The following MACROD2 variants were observed in gnomAD, a reference collection of about 807,000 sequenced individuals.
The protein encoded by MACROD2 is ADP-ribose glycohydrolase MACROD2.
MACROD2 carries 36 observed loss-of-function variants against 70.4 expected under a neutral mutation model. The observed-to-expected ratio is 0.51, with a 90% CI of 0.39 to 0.68. MACROD2 has a LOEUF of 0.68. Among genes scored for constraint, MACROD2 ranks in the 30% least tolerant of loss-of-function variants. MACROD2 has a pLI of 0.00. For synonymous variants in MACROD2, 172 were observed against 178.8 expected, an observed-to-expected ratio of 0.96 and a Z score of 0.30; for missense variants, 496 against 538.4, an observed-to-expected ratio of 0.92 and a Z score of 0.78.
chr20:15,480,295 G>A (rs1436850311), intron 7 of MACROD2, among the ~76,000 whole-genome samples: 5 of 152,092 alleles, frequency 3.3e-5, no homozygotes, highest in Non-Finnish European at 7.4e-5. Context: ...GCTGGTGCCC[G>A]CCGCTTCTTA....
At chr20:15,411,850 T>A (rs1473899849) in intron 6 of MACROD2, among the ~76,000 whole-genome samples, 1 of 152,162 alleles carries the variant, frequency 6.6e-6, no homozygotes, top group Non-Finnish European at 1.5e-5. Context: ...TCCATCGGTG[T>A]CCAAAGGCCT....
chr20:14,614,386 A>C (rs554961891), intron 4 of MACROD2, among the ~76,000 whole-genome samples: 17 of 152,168 alleles, frequency 1.1e-4, no homozygotes, highest in Non-Finnish European at 2.2e-4. Flanking sequence ...GTTGGTGCTC[A>C]CCTCACCCAT....
chr20:14,831,780 C>CAAAA lies in MACROD2; in HGVS notation c.418+146845_418+146848dup, dbSNP rs71190151. On this transcript the variant is annotated intron_variant, in intron 5 of 17. Coordinates refer to ENST00000684519, the MANE Select transcript of MACROD2 (RefSeq NM_001351661.2). ...GGGTGACAAGAGTGAAACTCCGTCT[C>CAAAA]AAAAAAAAAAAAAAAAAAAAAAAAA... is the stretch of plus-strand genomic sequence containing the variant. Among the ~76,000 whole-genome samples the CAAAA allele has an allele frequency of 1.5e-3, 55 of 37,176 alleles. 7 individuals carry two copies. The highest frequency in any genetic ancestry group is 4.6e-3 in the African/African-American group (47 of 10,124). The allele number at this position is 37,176 out of a possible 152,430, so 24.4% of individuals were successfully genotyped here. A position where few individuals can be genotyped will look rare whatever the true frequency, so the allele number is the denominator to read the frequency against.
intron 3 of MACROD2, among the ~76,000 whole-genome samples, chr20:14,379,927 A>G (rs541251090): frequency 2.0e-5 from 3 of 152,268 alleles, no homozygotes; most frequent in African/African-American, 7.2e-5. Flanking sequence ...ACATTATTGT[A>G]CAAGTATCTA....
Position 14,862,616 on chromosome 20 carries a change from A to T in MACROD2, c.418+177657A>T, listed in dbSNP as rs1474576822. On this transcript the variant is annotated intron_variant, in intron 5 of 17. Coordinates refer to ENST00000684519, the MANE Select transcript of MACROD2 (RefSeq NM_001351661.2). ...ATATATATAAATATAAATATATATA[A>T]ATATATATATATAAATATATATATA... is the stretch of plus-strand genomic sequence containing the variant. Among the ~76,000 whole-genome samples, 2 of 19,320 alleles carry T rather than the reference A, an allele frequency of 1.0e-4. 1 individual carries two copies. The highest frequency in any genetic ancestry group is 3.5e-4 in the African/African-American group (2 of 5,708). The allele number at this position is 19,320 out of a possible 152,430, so 12.7% of individuals were successfully genotyped here. A position where few individuals can be genotyped will look rare whatever the true frequency, so the allele number is the denominator to read the frequency against.
chr20:15,239,047 G>A (rs559065474), intron 6 of MACROD2, among the ~76,000 whole-genome samples: 21 of 152,244 alleles, frequency 1.4e-4, no homozygotes, highest in Admixed American at 1.1e-3. Flanking sequence ...ATAGTCAATT[G>A]AAGACACGGA....
At chr20:14,053,745 C>T (rs1293499985) in intron 2 of MACROD2, 1 of 152,018 alleles carries the variant, frequency 6.6e-6, no homozygotes, top group African/African-American at 2.4e-5. Flanking sequence ...CCATAGATAG[C>T]GTGATGGAAC....
intron 5 of MACROD2, among the ~76,000 whole-genome samples, chr20:14,788,313 G>A (rs532799248): frequency 1.4e-4 from 22 of 152,050 alleles, no homozygotes; most frequent in South Asian, 1.2e-3. Flanking sequence ...GGCCCGGTGC[G>A]GTGGCTCACA....
At chr20:15,079,347 G>A (rs1228582064) in intron 5 of MACROD2, among the ~76,000 whole-genome samples, 1 of 151,826 alleles carries the variant, frequency 6.6e-6, no homozygotes, top group Non-Finnish European at 1.5e-5. Flanking sequence ...CCAGTTCCTT[G>A]ACTTTCTCTC....
chr20:14,222,264 A>G (rs553023919), intron 3 of MACROD2, among the ~76,000 whole-genome samples: 1 of 152,358 alleles, frequency 6.6e-6, no homozygotes, highest in East Asian at 1.9e-4. Flanking sequence ...GATTTAATAA[A>G]GAAAAGGTAG....
chr20:15,277,765 A>C (rs772000919), intron 6 of MACROD2, among the ~76,000 whole-genome samples: 1 of 152,186 alleles, frequency 6.6e-6, no homozygotes, highest in Non-Finnish European at 1.5e-5. Context: ...TACTTAAATT[A>C]TCTAAGCCTC....
intron 3 of MACROD2, among the ~76,000 whole-genome samples, chr20:14,182,787 A>G (rs2081315034): frequency 6.6e-6 from 1 of 151,822 alleles, no homozygotes; most frequent in Non-Finnish European, 1.5e-5. Context: ...CTTTAGCTTC[A>G]ATAGAAAGAC....
intron 8 of MACROD2, among the ~76,000 whole-genome samples, chr20:15,598,455 C>G (rs1241423970): frequency 6.6e-6 from 1 of 152,134 alleles, no homozygotes; most frequent in Non-Finnish European, 1.5e-5. Context: ...GTGTAATACC[C>G]TCAGATGCCC....
intron 4 of MACROD2, among the ~76,000 whole-genome samples, chr20:14,662,671 A>C (rs113179008): frequency 1.6e-3 from 243 of 152,268 alleles, no homozygotes; most frequent in African/African-American, 5.4e-3. Context: ...CAAATTAGGC[A>C]AAGGACATGA....
intron 8 of MACROD2, among the ~76,000 whole-genome samples, chr20:15,759,177 C>T (rs982095396): frequency 7.1e-6 from 1 of 141,238 alleles, no homozygotes; most frequent in Non-Finnish European, 1.5e-5. Context: ...CAGAAATGGA[C>T]CCCATAGTCA....
At chr20:15,211,580 G>T (rs895870042) in intron 5 of MACROD2, among the ~76,000 whole-genome samples, 5 of 151,996 alleles carry the variant, frequency 3.3e-5, no homozygotes, top group African/African-American at 4.8e-5. Context: ...TTGTTTAAAA[G>T]ATGCTGGAAT....
chr20:14,289,392 G>A (rs766279450), intron 3 of MACROD2, among the ~76,000 whole-genome samples: 4 of 152,142 alleles, frequency 2.6e-5, no homozygotes, highest in Non-Finnish European at 4.4e-5. Context: ...CAATACAAAG[G>A]TGTGGCCTCT....
intron 8 of MACROD2, among the ~76,000 whole-genome samples, chr20:15,726,791 G>A (rs778603375): frequency 6.6e-6 from 1 of 151,932 alleles, no homozygotes; most frequent in African/African-American, 2.4e-5. Context: ...TTTTTTGCTT[G>A]TTAATTTGTT....
intron 6 of MACROD2, among the ~76,000 whole-genome samples, chr20:15,346,596 T>C (rs1403476907): frequency 6.6e-6 from 1 of 152,134 alleles, no homozygotes; most frequent in African/African-American, 2.4e-5. Context: ...AAGGAATGTG[T>C]GTGCCGGGGG....
Sources: gnomAD v4.1 joint callset for allele counts (sites outside exome capture counted in the v4.1 genomes callset) on GRCh38, gnomAD v4.1.1 for gene constraint, MANE v1.5 for transcripts, NCBI Gene and HGNC (gene_info 2026-07-23, HGNC 2026-07-21) for gene names.